FEZ2: variants seen among roughly 807,000 people sequenced by gnomAD.
The protein encoded by FEZ2 is fasciculation and elongation protein zeta 2, also known as fasciculation and elongation protein zeta-2.
A neutral mutation model predicts 40.4 loss-of-function variants in FEZ2; 51 were observed. The ratio of observed to expected loss-of-function variants is 1.26; its 90% confidence interval spans 1.01 to 1.59. FEZ2 has a LOEUF of 1.59. Ranked by LOEUF, FEZ2 falls within the 40% of genes most tolerant of loss-of-function variation. The pLI is 0.00. For missense variants in FEZ2, 640 were observed against 438.3 expected (o/e 1.46, Z -4.11); for synonymous variants, 242 against 172.0 (o/e 1.41, Z -3.18).
At position 36,574,292 on chromosome 2, in the gene FEZ2, T is replaced by C. The variant is rs193134719; in HGVS notation, c.903+4305A>G. On this transcript the variant is annotated intron_variant, in intron 5 of 7. Transcript: ENST00000405912. ...CAATATTCTATTGTCTTAGACAATA[T>C]TCACTGTCCATGGGTTTGACACCTG... 3.0e-4 allele frequency among the ~76,000 whole-genome samples: 46 copies of C among 152,322 alleles called. 2 individuals carry two copies. Among genetic ancestry groups the C allele is most frequent in the Admixed American group, 2.8e-3 (43 of 15,298 alleles).
chr2:36,594,780 G>A (rs1306785446), intron 1 of FEZ2, among the ~76,000 whole-genome samples: 2 of 152,200 alleles, frequency 1.3e-5, no homozygotes, highest in Admixed American at 6.5e-5. Flanking sequence ...TGCTTTGTCT[G>A]CTGATTTGCT....
chr2:36,587,638 A>G (rs1309736199), intron 2 of FEZ2, among the ~76,000 whole-genome samples: 1 of 137,416 alleles, frequency 7.3e-6, no homozygotes, highest in Non-Finnish European at 1.5e-5. Context: ...TTTTTAATGC[A>G]AAAACCATTC....
intron 3 of FEZ2, among the ~76,000 whole-genome samples, chr2:36,582,195 T>C (rs1374452684): frequency 6.6e-6 from 1 of 150,682 alleles, no homozygotes; most frequent in Non-Finnish European, 1.5e-5. Context: ...CCCAGGAAAA[T>C]TACTCAATAG....
chr2:36,577,063 A>T (rs1476844101), intron 5 of FEZ2, among the ~76,000 whole-genome samples: 1 of 152,232 alleles, frequency 6.6e-6, no homozygotes, highest in Non-Finnish European at 1.5e-5. Context: ...ATGAGATGCA[A>T]ATGCAAAATA....
intron 2 of FEZ2, among the ~76,000 whole-genome samples, chr2:36,589,002 T>G (rs1668990962): frequency 2.0e-5 from 3 of 152,240 alleles, no homozygotes; most frequent in Non-Finnish European, 4.4e-5. Context: ...GCATTCTGCA[T>G]TATTTTAAAT....
chr2:36,558,157 A>G (rs2125218935), intron 6 of FEZ2: 1 of 235,706 alleles, frequency 4.2e-6, no homozygotes, highest in Middle Eastern at 1.3e-3. Flanking sequence ...TAAACATGTA[A>G]GAGATGATGG....
At chr2:36,557,058 C>G (rs965713605) in intron 6 of FEZ2, 5 of 152,200 alleles carry the variant, frequency 3.3e-5, no homozygotes, top group African/African-American at 1.2e-4. Flanking sequence ...CCAGTAATTC[C>G]TGGCTTATGA....
At chr2:36,585,825 C>T (rs908276605) in intron 2 of FEZ2, among the ~76,000 whole-genome samples, 3 of 151,988 alleles carry the variant, frequency 2.0e-5, no homozygotes, top group African/African-American at 7.3e-5. Context: ...CAGGGATTGG[C>T]AAAGGACAGA....
At chr2:36,574,448 C>G (rs1668505799) in intron 5 of FEZ2, among the ~76,000 whole-genome samples, 1 of 151,840 alleles carries the variant, frequency 6.6e-6, no homozygotes, top group African/African-American at 2.4e-5. Context: ...AATTTCTTAT[C>G]ATTAGGGACA....
chr2:36,552,447 T>C lies in FEZ2; in HGVS notation c.*716A>G, dbSNP rs143174671. On this transcript the variant is annotated 3_prime_UTR_variant, in exon 8 of 8. Coordinates refer to ENST00000405912, the MANE Select transcript of FEZ2 (RefSeq NM_005102.3). ...TGCAGTGTACACTTTCTCAAGCACC[T>C]CAGAGGACACACACTTAAAGTACAA... 1.8e-3 allele frequency: 565 copies of C among 312,476 alleles called. 7 individuals carry two copies. The highest frequency in any genetic ancestry group is 0.013 in the African/African-American group (530 of 39,612). 19.4% of individuals were successfully genotyped at this position (312,476 alleles called of 1,614,324 possible).
chr2:36,575,444 C>T (rs998066725), intron 5 of FEZ2, among the ~76,000 whole-genome samples: 1 of 152,160 alleles, frequency 6.6e-6, no homozygotes, highest in Non-Finnish European at 1.5e-5. Context: ...CCACCTCAGC[C>T]TCTCAAAGTC....
chr2:36,594,963 A>G (rs966541201), intron 1 of FEZ2, among the ~76,000 whole-genome samples: 1 of 152,252 alleles, frequency 6.6e-6, no homozygotes, highest in African/African-American at 2.4e-5. Context: ...AAAGATTTCT[A>G]GAATTCTGCA....
intron 1 of FEZ2, among the ~76,000 whole-genome samples, chr2:36,597,099 G>A (rs1022339117): frequency 3.3e-5 from 5 of 152,120 alleles, no homozygotes; most frequent in Non-Finnish European, 7.4e-5. Context: ...CCATCAGTAA[G>A]CAGGGCCCTT....
At chr2:36,594,951 T>A (rs118150428) in intron 1 of FEZ2, among the ~76,000 whole-genome samples, 2 of 152,240 alleles carry the variant, frequency 1.3e-5, no homozygotes. Flanking sequence ...GCAACTCTAG[T>A]GAAAGATTTC....
intron 5 of FEZ2, among the ~76,000 whole-genome samples, chr2:36,562,476 G>A (rs1463694357): frequency 3.3e-5 from 5 of 152,146 alleles, no homozygotes; most frequent in Non-Finnish European, 4.4e-5. Flanking sequence ...ACAGGAGACT[G>A]TACAAATATG....
intron 7 of FEZ2, among the ~76,000 whole-genome samples, chr2:36,553,577 A>T (rs1667878313): frequency 1.3e-5 from 2 of 152,156 alleles, no homozygotes; most frequent in Non-Finnish European, 2.9e-5. Flanking sequence ...ATTACTTCAG[A>T]ATCAGCCTTG....
At chr2:36,586,006 C>A (rs1000594660) in intron 2 of FEZ2, among the ~76,000 whole-genome samples, 4 of 152,208 alleles carry the variant, frequency 2.6e-5, no homozygotes, top group Non-Finnish European at 4.4e-5. Context: ...ACTGCCTTTT[C>A]ATTTAAGTCC....
chr2:36,595,191 G>A (rs534459570), intron 1 of FEZ2, among the ~76,000 whole-genome samples: 2 of 152,194 alleles, frequency 1.3e-5, no homozygotes, highest in African/African-American at 4.8e-5. Flanking sequence ...CCAAGGGTCG[G>A]GGAGGGCTTT....
rs1668002864 is a variant in FEZ2 at position 36,558,239 on chromosome 2, T to C, written c.979+199A>G. The C allele has an allele frequency of 1.1e-5, 4 of 372,340 alleles. No individual in the cohort carries two copies. The South Asian group carries it at 3.4e-4, about 32-fold the overall frequency. The allele number at this position is 372,340 out of a possible 1,614,324, so 23.1% of individuals were successfully genotyped here. Reference sequence around the variant, plus strand: ...CACAAGGTAAGAAAAACAGAAAAAGTACAAATCAACACTAGAGTTACTGTT... The same window carrying C: ...CACAAGGTAAGAAAAACAGAAAAAGCACAAATCAACACTAGAGTTACTGTT... On this transcript the variant is annotated intron_variant, in intron 6 of 7. Coordinates refer to ENST00000405912, the MANE Select transcript of FEZ2 (RefSeq NM_005102.3).
Sources: allele counts gnomAD v4.1 joint callset (sites outside exome capture counted in the v4.1 genomes callset), GRCh38; gene constraint gnomAD v4.1.1; transcripts MANE v1.5; gene names NCBI Gene and HGNC (gene_info 2026-07-23, HGNC 2026-07-21).